The following CACNA1C variants were observed in gnomAD, a reference collection of about 807,000 sequenced individuals.
CACNA1C encodes voltage-dependent L-type calcium channel subunit alpha-1C.
Under a neutral mutation model 229.0 loss-of-function variants are expected in CACNA1C, and 30 were observed. The ratio of observed to expected loss-of-function variants is 0.13; its 90% CI spans 0.10 to 0.18. CACNA1C has a LOEUF of 0.18. Among genes scored for constraint, CACNA1C ranks in the 10% least tolerant of loss-of-function variants. CACNA1C has a pLI of 1.00. For synonymous variants in CACNA1C, 1,114 were observed against 1,132.5 expected (o/e 0.98, Z 0.33); for missense variants, 1,658 against 2,845.0 (o/e 0.58, Z 9.49).
At chr12:2,187,303 C>T (rs1170882113) in intron 3 of CACNA1C, among the ~76,000 whole-genome samples, 1 of 152,194 alleles carries the variant, frequency 6.6e-6, no homozygotes, top group Non-Finnish European at 1.5e-5. Context: ...AGTTCTAATC[C>T]ACCAGTCTAC....
chr12:2,286,625 G>A (rs973984161), intron 3 of CACNA1C, among the ~76,000 whole-genome samples: 5 of 152,054 alleles, frequency 3.3e-5, no homozygotes, highest in African/African-American at 1.2e-4. Context: ...ATGGTGTGCC[G>A]GACACAGGGC....
At chr12:2,254,917 C>A (rs926613334) in intron 3 of CACNA1C, among the ~76,000 whole-genome samples, 1 of 152,142 alleles carries the variant, frequency 6.6e-6, no homozygotes, top group African/African-American at 2.4e-5. Context: ...AGATTCATCC[C>A]GAAGGTCTTT....
chr12:2,004,159 G>A (rs2042844311), intron 1 of CACNA1C: 1 of 1,409,678 alleles, frequency 7.1e-7, no homozygotes, highest in East Asian at 2.5e-5. Context: ...TCAGTCCCCA[G>A]ATCCACCCAC....
rs2097826404 is a variant in CACNA1C at position 2,694,954 on chromosome 12, A to G, written c.*3755A>G. 6.6e-6 allele frequency: 1 copy of G among 152,210 alleles called. No individual in the cohort carries two copies. The highest frequency in any genetic ancestry group is 2.1e-4 in the South Asian group (1 of 4,828). The allele number at this position is 152,210 out of a possible 1,614,324, so 9.4% of individuals were successfully genotyped here. ...TTAGCCTCATCGTGGGAAAGGTGGT[A>G]AAGGAGGATGATGGCATCTCCATCC... On this transcript the variant is annotated 3_prime_UTR_variant, in exon 47 of 47. Coordinates refer to ENST00000399655, the MANE Select transcript of CACNA1C (RefSeq NM_000719.7).
At chr12:2,418,642 A>G (rs1458416138) in intron 3 of CACNA1C, among the ~76,000 whole-genome samples, 1 of 152,230 alleles carries the variant, frequency 6.6e-6, no homozygotes, top group African/African-American at 2.4e-5. Flanking sequence ...GGAAGGGCCC[A>G]GGATCCCTCC....
intron 1 of CACNA1C, chr12:1,993,266 C>G: frequency 6.2e-7 from 1 of 1,614,136 alleles, no homozygotes; most frequent in East Asian, 2.2e-5. Context: ...AGACTCACAT[C>G]TGGCATTTCT....
Position 2,679,509 on chromosome 12 carries a change from C to G in CACNA1C, c.5157C>G (p.Pro1719=), listed in dbSNP as rs534589273. The G allele has an allele frequency of 1.2e-5, 20 of 1,611,142 alleles. No individual in the cohort carries two copies. The Admixed American group carries it at 2.8e-4, about 23-fold the overall frequency. ...AAAGCGACGGCCGGAGCGCCTTCCCCCAGACCTTCACCACTCAGCGCCCGC... is the reference window on the plus strand; with the variant it reads ...AAAGCGACGGCCGGAGCGCCTTCCCGCAGACCTTCACCACTCAGCGCCCGC... ...YYQSDGRSAF[P]QTFTTQRPLH... Residue 1719 remains proline (P), a synonymous_variant, in exon 42 of 47, where the codon CCC becomes CCG. Coordinates refer to ENST00000399655, the MANE Select transcript of CACNA1C (RefSeq NM_000719.7). This position sits in a 1 kb window ranked among gnomAD's most constrained non-coding sequence, Gnocchi z 5.5.
At chr12:2,326,615 C>T (rs903235211) in intron 3 of CACNA1C, among the ~76,000 whole-genome samples, 6 of 152,232 alleles carry the variant, frequency 3.9e-5, no homozygotes, top group African/African-American at 1.4e-4. Flanking sequence ...TGCCTCCTAG[C>T]TCTCGCCATG....
At chr12:2,558,124 G>A (rs1808167987) in intron 11 of CACNA1C, among the ~76,000 whole-genome samples, 1 of 152,174 alleles carries the variant, frequency 6.6e-6, no homozygotes, top group African/African-American at 2.4e-5. Flanking sequence ...AAAGTGATTT[G>A]TCTCTCAGAT....
chr12:2,023,341 C>T (rs2046787695), intron 1 of CACNA1C, among the ~76,000 whole-genome samples: 1 of 152,122 alleles, frequency 6.6e-6, no homozygotes, highest in Non-Finnish European at 1.5e-5. Context: ...TATTTAATGC[C>T]ATGCGTGGAG....
intron 3 of CACNA1C, among the ~76,000 whole-genome samples, chr12:2,166,541 T>A (rs2096242698): frequency 6.6e-6 from 1 of 152,240 alleles, no homozygotes; most frequent in Non-Finnish European, 1.5e-5. Context: ...GCTCTCTGTC[T>A]AGTATGGTGG....
At chr12:2,047,075 G>A (rs1035466760) in intron 1 of CACNA1C, among the ~76,000 whole-genome samples, 2 of 152,190 alleles carry the variant, frequency 1.3e-5, no homozygotes, top group African/African-American at 4.8e-5. Flanking sequence ...TGCCTGAAAT[G>A]TTGCCCACAG....
At chr12:2,524,780 A>G (rs1489224236) in intron 9 of CACNA1C, among the ~76,000 whole-genome samples, 2 of 152,174 alleles carry the variant, frequency 1.3e-5, no homozygotes, top group Non-Finnish European at 2.9e-5. Flanking sequence ...ATTGCTCGCG[A>G]CACACCATCG....
At chr12:2,375,004 C>T (rs978742706) in intron 3 of CACNA1C, among the ~76,000 whole-genome samples, 14 of 152,290 alleles carry the variant, frequency 9.2e-5, no homozygotes, top group African/African-American at 2.2e-4. Context: ...TGACAGTCTA[C>T]GTCTTCATCT....
chr12:2,344,118 T>G (rs1357971226), intron 3 of CACNA1C, among the ~76,000 whole-genome samples: 1 of 152,176 alleles, frequency 6.6e-6, no homozygotes, highest in African/African-American at 2.4e-5. Flanking sequence ...CTTCCGGCAG[T>G]TGAGAATTTC....
intron 43 of CACNA1C, 87 bp from the exon 44 acceptor site, chr12:2,685,649 G>A (rs1281674200): frequency 6.2e-6 from 6 of 960,672 alleles, no homozygotes; most frequent in African/African-American, 3.2e-5. Flanking sequence ...AAGGATCAGA[G>A]CAAAGTGCTT....
At chr12:2,202,935 T>C (rs941883867) in intron 3 of CACNA1C, among the ~76,000 whole-genome samples, 1 of 152,318 alleles carries the variant, frequency 6.6e-6, no homozygotes, top group East Asian at 1.9e-4. Context: ...TATGAAGAGA[T>C]GCTTTGCTTC....
chr12:2,489,966 A>G (rs2154571218), intron 6 of CACNA1C, among the ~76,000 whole-genome samples: 1 of 152,378 alleles, frequency 6.6e-6, no homozygotes, highest in East Asian at 1.9e-4. Context: ...TTTTACATTT[A>G]AGCAAATTTC....
At position 2,691,487 on chromosome 12, in the gene CACNA1C, G is replaced by A; in HGVS notation, c.*288G>A. ...CCCCGGGCCCGGCCGCGCCTCCGCG[G>A]GGAGAGCACCCCGGCTTCCCGCGCG... On this transcript the variant is annotated 3_prime_UTR_variant, in exon 47 of 47. Coordinates refer to ENST00000399655, the MANE Select transcript of CACNA1C (RefSeq NM_000719.7). 5.8e-6 allele frequency: 2 copies of A among 343,076 alleles called. No individual in the cohort carries two copies. The highest frequency in any genetic ancestry group is 4.5e-5 in the East Asian group (1 of 22,256). The allele number at this position is 343,076 out of a possible 1,614,324, so 21.3% of individuals were successfully genotyped here. A position where few individuals can be genotyped will look rare whatever the true frequency, so the allele number is the denominator to read the frequency against.
Sources: gnomAD v4.1 joint callset for allele counts (sites outside exome capture counted in the v4.1 genomes callset) on GRCh38, gnomAD v4.1.1 for gene constraint, Gnocchi (gnomAD v3.1) non-coding constraint, MANE v1.5 for transcripts, NCBI Gene and HGNC (gene_info 2026-07-23, HGNC 2026-07-21) for gene names.